The following SCLT1 variants were observed in gnomAD, a reference collection of about 807,000 sequenced individuals.
SCLT1 encodes the protein sodium channel-associated protein 1.
Under a neutral mutation model 112.8 loss-of-function variants are expected in SCLT1, and 78 were observed. The ratio of observed to expected loss-of-function variants is 0.69; its 90% confidence interval spans 0.58 to 0.83. The LOEUF (loss-of-function observed/expected upper bound fraction) is 0.83. SCLT1 is among the 40% of genes least tolerant of loss of function. The pLI is 0.00. For missense variants in SCLT1, 747 were observed against 770.4 expected, an observed-to-expected ratio of 0.97 and a Z score of 0.36; for synonymous variants, 257 against 254.7, an observed-to-expected ratio of 1.01 and a Z score of -0.09.
rs1036926813 is a variant in SCLT1, at chr4:128,984,345, T to C, written c.686+7822A>G. ...GAGCCAGGCTTAGAAGCTCACTAGA[T>C]TAGCAGTTACAAGATGTGAGTTCTA... On this transcript the variant is annotated intron_variant, in intron 9 of 20. Coordinates refer to ENST00000281142, the MANE Select transcript of SCLT1 (RefSeq NM_144643.4). Among the ~76,000 whole-genome samples, 19 of 152,212 alleles carry C rather than the reference T, an allele frequency of 1.2e-4. No homozygotes were observed. The East Asian group carries it at 1.3e-3, about 11-fold the overall frequency.
At position 129,082,295 on chromosome 4, in the gene SCLT1, AATTTACATACCTGTACAGATGAAT is replaced by A; in HGVS notation, c.89_102+10del. On this transcript the variant is annotated splice_donor_variant and splice_donor_5th_base_variant and coding_sequence_variant and intron_variant, in exon 2 of 21. Transcript: ENST00000281142. LOFTEE classifies it high-confidence loss of function. ...GAGAATATTCCCAAGTAGAATTTAT[AATTTACATACCTGTACAGATGAAT>A]ATTTGGAAAAACTTTCCATTTGATA... is the stretch of plus-strand genomic sequence containing the variant. 1 of 1,308,652 alleles carries A rather than the reference AATTTACATACCTGTACAGATGAAT, an allele frequency of 7.6e-7. No homozygotes were observed. The highest frequency in any genetic ancestry group is 1.0e-6 in the Non-Finnish European group (1 of 953,396). The allele number at this position is 1,308,652 out of a possible 1,614,324, so 81.1% of individuals were successfully genotyped here. A position where few individuals can be genotyped will look rare whatever the true frequency, so the allele number is the denominator to read the frequency against.
intron 6 of SCLT1, among the ~76,000 whole-genome samples, chr4:129,000,337 T>C (rs918367368): frequency 6.6e-6 from 1 of 151,988 alleles, no homozygotes. Flanking sequence ...GGTGAGAATT[T>C]TGTAATTATT....
chr4:128,977,471 G>A (rs1047447212), intron 9 of SCLT1, among the ~76,000 whole-genome samples: 2 of 152,176 alleles, frequency 1.3e-5, no homozygotes, highest in African/African-American at 4.8e-5. Context: ...TATTGTAATG[G>A]AGGGAGACAG....
At chr4:128,960,551 G>T (rs1388929514) in intron 11 of SCLT1, among the ~76,000 whole-genome samples, 1 of 152,092 alleles carries the variant, frequency 6.6e-6, no homozygotes, top group Non-Finnish European at 1.5e-5. Context: ...TATGGATTTT[G>T]TTCTTTGAAT....
chr4:128,993,555 A>G lies in SCLT1; in HGVS notation c.616-1318T>C, dbSNP rs375288710. Reference sequence around the variant, plus strand: ...GCTTAACTTGCTAGCAAGCCTAGTAAGAGCTCCGCAACTGCATCTGAATAT... The same window carrying G: ...GCTTAACTTGCTAGCAAGCCTAGTAGGAGCTCCGCAACTGCATCTGAATAT... On this transcript the variant is annotated intron_variant, in intron 8 of 20. Transcript: ENST00000281142. Among the ~76,000 whole-genome samples the G allele has an allele frequency of 5.6e-4, 85 of 152,202 alleles. No individual in the cohort carries two copies. In the East Asian group the frequency reaches 9.8e-3, roughly 18 times the overall value.
intron 8 of SCLT1, among the ~76,000 whole-genome samples, chr4:128,994,192 A>C (rs1328053182): frequency 6.6e-6 from 1 of 152,052 alleles, no homozygotes; most frequent in Non-Finnish European, 1.5e-5. Context: ...CTTCTCACCA[A>C]AGGCCCTGGA....
At position 128,883,997 on chromosome 4, in the gene SCLT1, A is replaced by G. The variant is rs551837125; in HGVS notation, c.*480T>C. The G allele has an allele frequency of 6.6e-6, 1 of 152,532 alleles. No homozygotes were observed. Among genetic ancestry groups the G allele is most frequent in the East Asian group, 1.9e-4 (1 of 5,192 alleles). 9.4% of individuals were successfully genotyped at this position (152,532 alleles called of 1,614,324 possible). On this transcript the variant is annotated 3_prime_UTR_variant, in exon 21 of 21. Transcript: ENST00000281142. ...TTAAAATACATGACAGCATCATTTT[A>G]GAAAGTGCACAATTTATTACATTTA... is the stretch of plus-strand genomic sequence containing the variant.
At chr4:128,878,152 T>G (rs1264453090) in intron 3 of SCLT1, among the ~76,000 whole-genome samples, 2 of 152,132 alleles carry the variant, frequency 1.3e-5, no homozygotes, top group South Asian at 2.1e-4. Context: ...TTTTGTGATA[T>G]GAAGTATAAT....
intron 18 of SCLT1, among the ~76,000 whole-genome samples, chr4:128,893,395 C>A (rs1733480226): frequency 6.6e-6 from 1 of 152,122 alleles, no homozygotes; most frequent in African/African-American, 2.4e-5. Context: ...TCTTTGTACT[C>A]AACAAAGCTT....
chr4:128,959,348 A>T (rs571889855), intron 12 of SCLT1, among the ~76,000 whole-genome samples: 4 of 152,086 alleles, frequency 2.6e-5, no homozygotes, highest in Non-Finnish European at 5.9e-5. Flanking sequence ...ACAGGGGATG[A>T]AGATTAGTTA....
At chr4:129,074,015 C>T (rs538553939) in intron 2 of SCLT1, among the ~76,000 whole-genome samples, 5 of 152,202 alleles carry the variant, frequency 3.3e-5, no homozygotes, top group East Asian at 1.9e-4. Flanking sequence ...CTTCAATGTC[C>T]GTAAGATATG....
intron 9 of SCLT1, among the ~76,000 whole-genome samples, chr4:128,973,609 T>C (rs535944009): frequency 1.2e-4 from 18 of 152,274 alleles, no homozygotes; most frequent in African/African-American, 4.3e-4. Flanking sequence ...AATATTCATG[T>C]GTGAAAAATT....
chr4:128,925,000 T>A (rs930943375), intron 18 of SCLT1, among the ~76,000 whole-genome samples: 3 of 152,268 alleles, frequency 2.0e-5, no homozygotes, highest in Non-Finnish European at 2.9e-5. Flanking sequence ...GCTACCACAT[T>A]TTAGACCCAT....
chr4:129,028,270 C>A lies in SCLT1; in HGVS notation c.290+10771G>T, dbSNP rs533149483. Among the ~76,000 whole-genome samples the A allele has an allele frequency of 2.8e-4, 43 of 152,284 alleles. 1 individual carries two copies. The South Asian group carries it at 3.5e-3, about 12-fold the overall frequency. ...CTGGAGGCATCACGCTACCTGACTT[C>A]AAACTATACTGCAAGGCTACAGTAA... On this transcript the variant is annotated intron_variant, in intron 5 of 20. Transcript: ENST00000281142.
chr4:128,968,223 A>G (rs1458204113), intron 10 of SCLT1, among the ~76,000 whole-genome samples: 2 of 152,070 alleles, frequency 1.3e-5, no homozygotes, highest in Non-Finnish European at 2.9e-5. Flanking sequence ...ATTGCTTCAC[A>G]TTGTTCTACA....
intron 5 of SCLT1, among the ~76,000 whole-genome samples, chr4:129,026,619 C>T (rs1010384526): frequency 3.3e-5 from 5 of 151,888 alleles, no homozygotes; most frequent in Admixed American, 2.6e-4. Context: ...AAATTGACAC[C>T]CTAACATCAT....
chr4:128,997,146 A>G (rs1743082074), intron 8 of SCLT1: 1 of 151,934 alleles, frequency 6.6e-6, no homozygotes, highest in Non-Finnish European at 1.5e-5. Context: ...TGGTTTAATA[A>G]TTTTTTACAT....
chr4:128,911,507 T>C (rs972834387), intron 18 of SCLT1, among the ~76,000 whole-genome samples: 1 of 152,150 alleles, frequency 6.6e-6, no homozygotes, highest in Non-Finnish European at 1.5e-5. Flanking sequence ...AACCAAAAGA[T>C]ACCATACAGA....
At chr4:129,000,175 A>C (rs1420456051) in intron 6 of SCLT1, among the ~76,000 whole-genome samples, 1 of 151,970 alleles carries the variant, frequency 6.6e-6, no homozygotes, top group East Asian at 1.9e-4. Context: ...AAAGTAATAA[A>C]TTTTCATTGT....
Sources: allele counts gnomAD v4.1 joint callset (sites outside exome capture counted in the v4.1 genomes callset), GRCh38; gene constraint gnomAD v4.1.1; transcripts MANE v1.5; gene names NCBI Gene and HGNC (gene_info 2026-07-23, HGNC 2026-07-21).